The following CORO2B variants were observed in gnomAD, a reference collection of about 807,000 sequenced individuals.
CORO2B encodes coronin 2B, also known as coronin-2B.
A neutral mutation model predicts 58.8 loss-of-function variants in CORO2B; 26 were observed. That is an observed-to-expected ratio of 0.44 (90% CI 0.32 to 0.61). The LOEUF is 0.61. CORO2B is among the 20% of genes least tolerant of loss of function. The pLI is 0.04. For synonymous variants in CORO2B, 242 were observed against 253.8 expected (o/e 0.95, Z 0.44); for missense variants, 460 against 645.1 (o/e 0.71, Z 3.11).
the CORO2B span, among the ~76,000 whole-genome samples, chr15:68,538,840 T>C: frequency 1.3e-5 from 2 of 152,270 alleles, no homozygotes; most frequent in East Asian, 3.9e-4. Context: ...AGCCTGTAGG[T>C]TCTCATGGAT....
intron 3 of CORO2B, among the ~76,000 whole-genome samples, chr15:68,697,024 G>C (rs1892528097): frequency 6.6e-6 from 1 of 152,210 alleles, no homozygotes; most frequent in Admixed American, 6.5e-5. Flanking sequence ...AGCCTATTTG[G>C]TTCTGCACCC....
At chr15:68,555,123 T>C in the CORO2B span, among the ~76,000 whole-genome samples, 1 of 152,156 alleles carries the variant, frequency 6.6e-6, no homozygotes, top group African/African-American at 2.4e-5. Flanking sequence ...AGGGTCCCGC[T>C]GGGTGACGTC....
At chr15:68,536,525 C>T in the CORO2B span, among the ~76,000 whole-genome samples, 1 of 152,182 alleles carries the variant, frequency 6.6e-6, no homozygotes, top group Non-Finnish European at 1.5e-5. Flanking sequence ...GAATATGATG[C>T]AACTCTGTAA....
At chr15:68,535,066 G>T in the CORO2B span, among the ~76,000 whole-genome samples, 1 of 152,154 alleles carries the variant, frequency 6.6e-6, no homozygotes, top group Non-Finnish European at 1.5e-5. Context: ...AGATTTGGGT[G>T]GGGACACAGC....
At chr15:68,604,019 G>A (rs1216484304) in intron 1 of CORO2B, among the ~76,000 whole-genome samples, 2 of 152,214 alleles carry the variant, frequency 1.3e-5, no homozygotes, top group Non-Finnish European at 2.9e-5. Flanking sequence ...AGCCCAGGCT[G>A]TGGAGTCAAG....
chr15:68,526,028 A>C, the CORO2B span, among the ~76,000 whole-genome samples: 1 of 151,982 alleles, frequency 6.6e-6, no homozygotes, highest in Non-Finnish European at 1.5e-5. Context: ...ATAAGTATGT[A>C]CTCTTTCACA....
Position 68,710,624 on chromosome 15 carries a change from C to A in CORO2B, c.334-108C>A. 7.7e-7 allele frequency: 1 copy of A among 1,304,690 alleles called. No homozygotes were observed. Among genetic ancestry groups the A allele is most frequent in the Non-Finnish European group, 1.0e-6 (1 of 988,438 alleles). 80.8% of individuals were successfully genotyped at this position (1,304,690 alleles called of 1,614,324 possible). A position where few individuals can be genotyped will look rare whatever the true frequency, so the allele number is the denominator to read the frequency against. On this transcript the variant is annotated intron_variant, in intron 3 of 11. Transcript: ENST00000261861. The surrounding 1 kb of genome is among the most constrained non-coding windows in gnomAD (Gnocchi z 4.1). ...CCCATCGCCTCAAGCCAGGAGGTGG[C>A]TCATCAGGCAGATCTCAGAAAGCCT...
chr15:68,648,297 A>C (rs1372713421), intron 2 of CORO2B, among the ~76,000 whole-genome samples: 1 of 147,562 alleles, frequency 6.8e-6, no homozygotes, highest in African/African-American at 2.5e-5. Context: ...GCGCTACTGC[A>C]CTCCAGCCTG....
chr15:68,601,675 A>G (rs1277603946), intron 1 of CORO2B, among the ~76,000 whole-genome samples: 1 of 152,214 alleles, frequency 6.6e-6, no homozygotes, highest in Non-Finnish European at 1.5e-5. Flanking sequence ...GCTGAGGTCA[A>G]GGGAATGGCT....
At chr15:68,675,907 C>A (rs957323979) in intron 2 of CORO2B, among the ~76,000 whole-genome samples, 4 of 151,688 alleles carry the variant, frequency 2.6e-5, no homozygotes, top group African/African-American at 9.7e-5. Context: ...TACACGCTAG[C>A]GGAGGAGACA....
chr15:68,611,601 G>A (rs1472355495), intron 1 of CORO2B, among the ~76,000 whole-genome samples: 1 of 151,992 alleles, frequency 6.6e-6, no homozygotes, highest in African/African-American at 2.4e-5. Flanking sequence ...TTTCCTAGAT[G>A]GATGTAAAAT....
At chr15:68,684,522 G>A (rs1365879729) in intron 2 of CORO2B, among the ~76,000 whole-genome samples, 1 of 152,228 alleles carries the variant, frequency 6.6e-6, no homozygotes, top group Admixed American at 6.5e-5. Context: ...GCACATGCAA[G>A]CATATACATG....
intron 2 of CORO2B, among the ~76,000 whole-genome samples, chr15:68,655,276 G>A (rs1265357342): frequency 6.6e-6 from 1 of 152,190 alleles, no homozygotes; most frequent in African/African-American, 2.4e-5. Flanking sequence ...TGAGACGGAG[G>A]CTCCTTGGAG....
rs1202213906 is a variant in CORO2B, at chr15:68,726,978, C to T, written c.*1004C>T. On this transcript the variant is annotated 3_prime_UTR_variant, in exon 12 of 12. Transcript: ENST00000261861. ...TCTGTGCCCCTAGATCCTTCAGGTC[C>T]CCACCCTCAGCTGTCACCACCACCC... 3.9e-5 allele frequency: 6 copies of T among 152,356 alleles called. No homozygotes were observed. Among genetic ancestry groups the T allele is most frequent in the Admixed American group, 3.9e-4 (6 of 15,282 alleles). 9.4% of individuals were successfully genotyped at this position (152,356 alleles called of 1,614,324 possible). A position where few individuals can be genotyped will look rare whatever the true frequency, so the allele number is the denominator to read the frequency against.
At chr15:68,640,420 C>T (rs1245078098) in intron 1 of CORO2B, among the ~76,000 whole-genome samples, 1 of 151,956 alleles carries the variant, frequency 6.6e-6, no homozygotes, top group African/African-American at 2.4e-5. Flanking sequence ...ACAACTTTGG[C>T]ATTGCCCTGA....
At chr15:68,719,390 A>G (rs535116460) in intron 10 of CORO2B, 23 bp from the exon 11 acceptor site, 3 of 1,612,294 alleles carry the variant, frequency 1.9e-6, no homozygotes, top group South Asian at 2.2e-5. Flanking sequence ...CGTCAGTGAG[A>G]GCGTTTCCCT....
chr15:68,567,604 AG>A, the CORO2B span, among the ~76,000 whole-genome samples: 2 of 152,242 alleles, frequency 1.3e-5, no homozygotes, highest in African/African-American at 4.8e-5. Context: ...AGGAAGAGAC[AG>A]GTCAGCTCGC....
chr15:68,726,017 T>C lies in CORO2B; in HGVS notation c.*43T>C. On this transcript the variant is annotated 3_prime_UTR_variant, in exon 12 of 12. Transcript: ENST00000261861. ...TTTCTAAGCCGATCTCTCCGTCGTT[T>C]CTACTCATCCCTTAACTTCTCCCTT... 1 of 1,607,040 alleles carries C rather than the reference T, an allele frequency of 6.2e-7. No individual in the cohort carries two copies. Among genetic ancestry groups the C allele is most frequent in the East Asian group, 2.2e-5 (1 of 44,838 alleles).
At chr15:68,607,093 T>TAGCAAGGGGCC (rs758235997) in intron 1 of CORO2B, among the ~76,000 whole-genome samples, 11 of 152,006 alleles carry the variant, frequency 7.2e-5, no homozygotes, top group Non-Finnish European at 1.6e-4. Context: ...GTGGAGGGGT[T>TAGCAAGGGGCC]AGCAAGGGGC....
Sources: allele counts gnomAD v4.1 joint callset (sites outside exome capture counted in the v4.1 genomes callset), GRCh38; gene constraint gnomAD v4.1.1; non-coding constraint Gnocchi (gnomAD v3.1); transcripts MANE v1.5; gene names NCBI Gene and HGNC (gene_info 2026-07-23, HGNC 2026-07-21).